Variants in ZNF362 observed in about 807,000 individuals in gnomAD.
The protein encoded by ZNF362 is zinc finger protein 362, also known as rotund homolog.
In ZNF362, 11 loss-of-function variants were observed where a neutral mutation model predicts 42.9. That is an observed-to-expected ratio of 0.26 (90% CI 0.16 to 0.42). ZNF362 has a LOEUF of 0.42. Ranked by LOEUF, ZNF362 falls within the 20% of genes least tolerant of loss-of-function variation. The probability of loss-of-function intolerance (pLI) is 1.00; values close to 1 mark genes in which losing one functional copy is unlikely to be tolerated. For synonymous variants in ZNF362, 255 were observed against 257.3 expected (o/e 0.99, Z 0.09); for missense variants, 362 against 576.2 (o/e 0.63, Z 3.81).
At chr1:33,283,534 C>T (rs1364589007) in intron 6 of ZNF362, among the ~76,000 whole-genome samples, 1 of 152,012 alleles carries the variant, frequency 6.6e-6, no homozygotes, top group Non-Finnish European at 1.5e-5. Flanking sequence ...AACCCCATTG[C>T]TACAGAAAAA....
the ZNF362 span, among the ~76,000 whole-genome samples, chr1:33,209,351 T>A: frequency 6.6e-6 from 1 of 152,228 alleles, no homozygotes; most frequent in South Asian, 2.1e-4. Flanking sequence ...TTTGCATTGA[T>A]GTTCATCAGG....
At chr1:33,285,586 T>C (rs991007458) in intron 6 of ZNF362, among the ~76,000 whole-genome samples, 1 of 152,240 alleles carries the variant, frequency 6.6e-6, no homozygotes, top group African/African-American at 2.4e-5. Context: ...TGCATTAGAT[T>C]AGGTTTTTTT....
At chr1:33,129,506 C>T in the ZNF362 span, among the ~76,000 whole-genome samples, 1 of 152,212 alleles carries the variant, frequency 6.6e-6, no homozygotes, top group African/African-American at 2.4e-5. The surrounding 1 kb of genome is among the most constrained non-coding windows in gnomAD (Gnocchi z 4.1). Context: ...CCAAAGTGAG[C>T]ATGGGATGAG....
At chr1:33,295,953 G>A (rs1244510341) in intron 8 of ZNF362, among the ~76,000 whole-genome samples, 1 of 152,186 alleles carries the variant, frequency 6.6e-6, no homozygotes, top group Non-Finnish European at 1.5e-5. Flanking sequence ...CTGGCAGAGT[G>A]GTGCCAAATC....
the ZNF362 span, among the ~76,000 whole-genome samples, chr1:33,188,928 A>G: frequency 6.6e-6 from 1 of 152,164 alleles, no homozygotes; most frequent in South Asian, 2.1e-4. Context: ...TCAAAGATCA[A>G]TCCACATGCT....
At chr1:33,271,737 G>A (rs1430194500) in intron 2 of ZNF362, among the ~76,000 whole-genome samples, 1 of 150,546 alleles carries the variant, frequency 6.6e-6, no homozygotes, top group Non-Finnish European at 1.5e-5. Flanking sequence ...GGAGCATCTG[G>A]GCAGATGTGT....
the ZNF362 span, among the ~76,000 whole-genome samples, chr1:33,249,536 T>C: frequency 6.6e-6 from 1 of 152,084 alleles, no homozygotes; most frequent in East Asian, 1.9e-4. Context: ...GAGAAAGTGA[T>C]AGAAGTTTTC....
chr1:33,215,706 G>A, the ZNF362 span, among the ~76,000 whole-genome samples: 3 of 152,134 alleles, frequency 2.0e-5, no homozygotes, highest in African/African-American at 7.2e-5. Context: ...TACCCTGGTA[G>A]TGTTGCAAAA....
the ZNF362 span, among the ~76,000 whole-genome samples, chr1:33,208,260 T>A: frequency 5.9e-3 from 891 of 152,264 alleles, 9 homozygotes; most frequent in African/African-American, 0.02. Flanking sequence ...GTTATTTCTG[T>A]GGCCTCTGTT....
the ZNF362 span, chr1:33,199,808 G>C: frequency 6.6e-6 from 1 of 152,150 alleles, no homozygotes; most frequent in African/African-American, 2.4e-5. Flanking sequence ...ACCTGAGGTT[G>C]GGAGTTTGAG....
At chr1:33,187,308 G>T in the ZNF362 span, among the ~76,000 whole-genome samples, 1 of 152,210 alleles carries the variant, frequency 6.6e-6, no homozygotes, top group Admixed American at 6.5e-5. Flanking sequence ...TACATTGACA[G>T]GTTTGAGGGA....
Position 33,281,140 on chromosome 1 carries a change from G to A in ZNF362, c.684-447G>A, listed in dbSNP as rs1645991028. Among the ~76,000 whole-genome samples the A allele has an allele frequency of 6.6e-6, 1 of 152,184 alleles. No homozygotes were observed. Among genetic ancestry groups the A allele is most frequent in the African/African-American group, 2.4e-5 (1 of 41,438 alleles). ...GAGCTTTCAGAAAATGCGGATGCCAGGGCTGCATCTCCAGGAATTCTGAGT... is the reference window on the plus strand; with the variant it reads ...GAGCTTTCAGAAAATGCGGATGCCAAGGCTGCATCTCCAGGAATTCTGAGT... On this transcript the variant is annotated intron_variant, in intron 5 of 8. Transcript: ENST00000539719. This position sits in a 1 kb window ranked among gnomAD's most constrained non-coding sequence, Gnocchi z 4.8.
the ZNF362 span, among the ~76,000 whole-genome samples, chr1:33,140,309 G>C: frequency 6.6e-6 from 1 of 152,208 alleles, no homozygotes; most frequent in African/African-American, 2.4e-5. The surrounding 1 kb of genome is among the most constrained non-coding windows in gnomAD (Gnocchi z 4.0). Context: ...CTGGTGAGAG[G>C]CACAAACCTC....
chr1:33,280,535 G>A lies in ZNF362; in HGVS notation c.683+78G>A. 3 of 1,470,982 alleles carry A rather than the reference G, an allele frequency of 2.0e-6. No individual in the cohort carries two copies. In the South Asian group the frequency reaches 4.1e-5, roughly 20 times the overall value. The allele number at this position is 1,470,982 out of a possible 1,614,324, so 91.1% of individuals were successfully genotyped here. A position where few individuals can be genotyped will look rare whatever the true frequency, so the allele number is the denominator to read the frequency against. ...CCAGGGCTGCTCCAGGAGCCCAGCA[G>A]CGGGGCTGAAACAGGACCCTTAGGG... On this transcript the variant is annotated intron_variant, in intron 5 of 8. Transcript: ENST00000539719. The surrounding 1 kb of genome is among the most constrained non-coding windows in gnomAD (Gnocchi z 5.6).
chr1:33,276,416 C>A lies in ZNF362; in HGVS notation c.171C>A (p.His57Gln). The A allele has an allele frequency of 6.3e-7, 1 of 1,583,100 alleles. No individual in the cohort carries two copies. Reference protein sequence around the residue: ...QLMAEKIRPPHLPPTSASSQQ... With the variant: ...QLMAEKIRPPQLPPTSASSQQ... The stretch of plus-strand genomic sequence containing the variant: ...TGGCCGAGAAGATCAGGCCGCCTCA[C>A]CTGCCGCCCACGTCGGCCTCGTCGC... The change falls in exon 4 of 9, where the codon CAC (histidine) becomes CAA (glutamine). Residue 57 changes from histidine to glutamine, a missense_variant. By Grantham distance (24) the His-to-Gln change is conservative. This residue lies in a region of ZNF362 where 266 missense variants were observed against 365.4 expected (regional missense o/e 0.73). Coordinates refer to ENST00000539719, the MANE Select transcript of ZNF362 (RefSeq NM_152493.3).
At position 33,280,141 on chromosome 1, in the gene ZNF362, C is replaced by G; in HGVS notation, c.367C>G (p.Arg123Gly). Residue 123 changes from arginine to glycine, a missense_variant, in exon 5 of 9, where the codon CGG (arginine) becomes GGG (glycine). Arg to Gly is a moderately radical substitution (Grantham distance 125, BLOSUM62 -2). This residue lies in a region of ZNF362 where 266 missense variants were observed against 365.4 expected (regional missense o/e 0.73). Coordinates refer to ENST00000539719, the MANE Select transcript of ZNF362 (RefSeq NM_152493.3). This position sits in a 1 kb window ranked among gnomAD's most constrained non-coding sequence, Gnocchi z 5.6. ...STVTGLGLST[R>G]TPSVSTSESS... ...CTTCGCAGGTCTGGGGCTGTCCACCCGGACCCCGTCTGTGAGCACTTCTGA... is the reference window on the plus strand; with the variant it reads ...CTTCGCAGGTCTGGGGCTGTCCACCGGGACCCCGTCTGTGAGCACTTCTGA... 6.3e-7 allele frequency: 1 copy of G among 1,583,286 alleles called. No individual in the cohort carries two copies. Among genetic ancestry groups the G allele is most frequent in the Non-Finnish European group, 8.6e-7 (1 of 1,160,394 alleles).
the ZNF362 span, among the ~76,000 whole-genome samples, chr1:33,193,458 G>T: frequency 6.6e-6 from 1 of 152,138 alleles, no homozygotes; most frequent in Non-Finnish European, 1.5e-5. Context: ...ATAATCTCAT[G>T]GTAAAAAACA....
intron 8 of ZNF362, among the ~76,000 whole-genome samples, chr1:33,298,435 C>T (rs1427492119): frequency 6.6e-6 from 1 of 152,220 alleles, no homozygotes; most frequent in East Asian, 1.9e-4. Context: ...TTTGTCACCA[C>T]AGCAACCTGT....
At chr1:33,250,896 G>GAAGAAGGAGA in the ZNF362 span, among the ~76,000 whole-genome samples, 1 of 39,924 alleles carries the variant, frequency 2.5e-5, no homozygotes, top group Non-Finnish European at 5.6e-5. Flanking sequence ...GAAGAAGAAG[G>GAAGAAGGAGA]AGAAGAAGAA....
Sources: allele counts gnomAD v4.1 joint callset (sites outside exome capture counted in the v4.1 genomes callset), GRCh38; gene constraint gnomAD v4.1.1; regional missense constraint gnomAD v4.1.1; non-coding constraint Gnocchi (gnomAD v3.1); transcripts MANE v1.5; gene names NCBI Gene and HGNC (gene_info 2026-07-23, HGNC 2026-07-21).